The following SMARCA2 variants were observed in gnomAD, a reference collection of about 807,000 sequenced individuals.
The protein encoded by SMARCA2 is SWI/SNF-related matrix-associated actin-dependent regulator of chromatin subfamily A member 2.
Under a neutral mutation model 199.8 loss-of-function variants are expected in SMARCA2, and 61 were observed. The ratio of observed to expected loss-of-function variants is 0.31; its 90% CI spans 0.25 to 0.38. The LOEUF is 0.38. SMARCA2 is among the 10% of genes least tolerant of loss of function. The probability of loss-of-function intolerance (pLI) is 1.00; values close to 1 mark genes in which losing one functional copy is unlikely to be tolerated. For synonymous variants in SMARCA2, 935 were observed against 732.0 expected, an observed-to-expected ratio of 1.28 and a Z score of -4.48; for missense variants, 1,344 against 2,012.2, an observed-to-expected ratio of 0.67 and a Z score of 6.35.
rs1238964242 is a variant in SMARCA2, at chr9:2,086,802, A to T, written c.2527-27A>T. On this transcript the variant is annotated intron_variant, in intron 17 of 33. Coordinates refer to ENST00000349721, the MANE Select transcript of SMARCA2 (RefSeq NM_003070.5). This position sits in a 1 kb window ranked among gnomAD's most constrained non-coding sequence, Gnocchi z 4.3. Reference sequence around the variant, plus strand: ...AGTTGTATTTTCCCTTGCTTACTACACGTCCGTCCTTCCTCTTGTGTTATA... The same window carrying T: ...AGTTGTATTTTCCCTTGCTTACTACTCGTCCGTCCTTCCTCTTGTGTTATA... 41 of 1,612,990 alleles carry T rather than the reference A, an allele frequency of 2.5e-5. No homozygotes were observed. In the East Asian group the frequency reaches 9.1e-4, roughly 36 times the overall value.
At position 2,096,681 on chromosome 9, in the gene SMARCA2, A is replaced by G. The variant is rs375473288; in HGVS notation, c.2908A>G (p.Met970Val). The G allele has an allele frequency of 2.5e-6, 4 of 1,613,570 alleles. No homozygotes were observed. The South Asian group carries it at 3.3e-5, about 13-fold the overall frequency. ...GGTGGAATATGTGATCAAGTGTGAC[A>G]TGTCAGCTCTGCAGAAGATTCTGTA... ...EKVEYVIKCD[M>V]SALQKILYRH... Residue 970 changes from methionine to valine, a missense_variant, in exon 20 of 34, where the codon ATG becomes GTG. Met to Val is a conservative substitution (Grantham distance 21, BLOSUM62 1). Around this residue, in one of 18 missense-constraint regions of SMARCA2, gnomAD observed 98 missense variants for 245.6 expected, o/e 0.40. Coordinates refer to ENST00000349721, the MANE Select transcript of SMARCA2 (RefSeq NM_003070.5).
At position 2,065,138 on chromosome 9, in the gene SMARCA2, C is replaced by T. The variant is rs1176687715; in HGVS notation, c.1692+4152C>T. On this transcript the variant is annotated intron_variant, in intron 9 of 33. Transcript: ENST00000349721. ...AGGCAGAGGTTGCAGTGAGCCGAGA[C>T]GGCGCCACTGCACTCCAGCCTGGGC... Among the ~76,000 whole-genome samples the T allele has an allele frequency of 4.6e-5, 7 of 151,934 alleles. No individual in the cohort carries two copies. The East Asian group carries it at 5.8e-4, about 13-fold the overall frequency.
At position 2,161,611 on chromosome 9, in the gene SMARCA2, A is replaced by G; in HGVS notation, c.3982-75A>G. 3.1e-6 allele frequency: 3 copies of G among 973,810 alleles called. No individual in the cohort carries two copies. The highest frequency in any genetic ancestry group is 2.3e-5 in the Admixed American group (1 of 43,908). The allele number at this position is 973,810 out of a possible 1,614,324, so 60.3% of individuals were successfully genotyped here. On this transcript the variant is annotated intron_variant, in intron 27 of 33. Transcript: ENST00000349721. This position sits in a 1 kb window ranked among gnomAD's most constrained non-coding sequence, Gnocchi z 4.7. ...TTTATTCTAATTGTTGGAGCTATATATAAATATACACATACTTTTTTTGTC... is the reference window on the plus strand; with the variant it reads ...TTTATTCTAATTGTTGGAGCTATATGTAAATATACACATACTTTTTTTGTC...
At chr9:2,105,507 G>A (rs974564729) in intron 23 of SMARCA2, among the ~76,000 whole-genome samples, 5 of 151,996 alleles carry the variant, frequency 3.3e-5, no homozygotes, top group Admixed American at 1.3e-4. Context: ...ACCTGCCTCG[G>A]CCTCCCACAG....
Position 2,104,583 on chromosome 9 carries a change from A to G in SMARCA2, c.3292+414A>G, listed in dbSNP as rs1036770249. ...TGTCACTTTTCTTTGTAACAATACA[A>G]TCATTCATTTAAGATTATATTTATC... On this transcript the variant is annotated intron_variant, in intron 23 of 33. Coordinates refer to ENST00000349721, the MANE Select transcript of SMARCA2 (RefSeq NM_003070.5). This position sits in a 1 kb window ranked among gnomAD's most constrained non-coding sequence, Gnocchi z 4.0. Among the ~76,000 whole-genome samples, 6 of 152,310 alleles carry G rather than the reference A, an allele frequency of 3.9e-5. No homozygotes were observed. The highest frequency in any genetic ancestry group is 2.9e-5 in the Non-Finnish European group (2 of 68,024).
intron 29 of SMARCA2, among the ~76,000 whole-genome samples, chr9:2,173,178 G>A (rs1826349748): frequency 6.6e-6 from 1 of 152,128 alleles, no homozygotes; most frequent in Non-Finnish European, 1.5e-5. Context: ...GTGTGTGAAG[G>A]CACTTGTATG....
rs919237762 is a variant in SMARCA2, at chr9:2,191,480, G to A, written c.4737+72G>A. ...GCTTGCTGGCCTCTTGCATTTCCAT[G>A]CCCCTTCAGCCTTTTCGCTTTATTA... On this transcript the variant is annotated intron_variant, in intron 33 of 33. Coordinates refer to ENST00000349721, the MANE Select transcript of SMARCA2 (RefSeq NM_003070.5). 5 of 1,518,916 alleles carry A rather than the reference G, an allele frequency of 3.3e-6. No individual in the cohort carries two copies. In the African/African-American group the frequency reaches 4.2e-5, roughly 13 times the overall value. The allele number at this position is 1,518,916 out of a possible 1,614,324, so 94.1% of individuals were successfully genotyped here.
intron 27 of SMARCA2, among the ~76,000 whole-genome samples, chr9:2,143,917 C>T (rs578219114): frequency 1.3e-5 from 2 of 152,212 alleles, no homozygotes; most frequent in South Asian, 2.1e-4. Flanking sequence ...TCTGAAGGTT[C>T]GTTGAGAATC....
At chr9:2,065,110 A>G (rs945817981) in intron 9 of SMARCA2, among the ~76,000 whole-genome samples, 7 of 152,140 alleles carry the variant, frequency 4.6e-5, no homozygotes, top group Non-Finnish European at 1.0e-4. Context: ...GTGTGAACCC[A>G]GGAGGCAGAG....
intron 23 of SMARCA2, among the ~76,000 whole-genome samples, chr9:2,109,064 A>G (rs1393010614): frequency 6.6e-6 from 1 of 152,172 alleles, no homozygotes; most frequent in African/African-American, 2.4e-5. Context: ...AATGTGAAAA[A>G]CAGATCGTCC....
Position 2,154,661 on chromosome 9 carries a change from G to C in SMARCA2, c.3982-7025G>C, listed in dbSNP as rs568966086. Among the ~76,000 whole-genome samples the C allele has an allele frequency of 6.4e-4, 98 of 152,252 alleles. 1 individual carries two copies. In the South Asian group the frequency reaches 0.019, roughly 30 times the overall value. ...AGCCCAGGAAAGAACCATTTATTTTGCTCAGGCCTCACACATTCATGAAGG... is the reference window on the plus strand; with the variant it reads ...AGCCCAGGAAAGAACCATTTATTTTCCTCAGGCCTCACACATTCATGAAGG... On this transcript the variant is annotated intron_variant, in intron 27 of 33. Coordinates refer to ENST00000349721, the MANE Select transcript of SMARCA2 (RefSeq NM_003070.5).
At chr9:2,038,169 G>A (rs1260957300) in intron 3 of SMARCA2, among the ~76,000 whole-genome samples, 3 of 152,204 alleles carry the variant, frequency 2.0e-5, no homozygotes, top group Non-Finnish European at 4.4e-5. Flanking sequence ...AAGGGCATAT[G>A]CATTAGAATC....
chr9:2,115,797 C>T lies in SMARCA2; in HGVS notation c.3457-25C>T, dbSNP rs1392103156. The T allele has an allele frequency of 4.4e-6, 7 of 1,603,110 alleles. No individual in the cohort carries two copies. In the Middle Eastern group the frequency reaches 8.5e-4, roughly 194 times the overall value. ...TGCCTATGCCAGGCATCTCAGTCCT[C>T]ATAGCATATTGACCCCCCAAACAGG... On this transcript the variant is annotated intron_variant, in intron 24 of 33. Transcript: ENST00000349721. The surrounding 1 kb of genome is among the most constrained non-coding windows in gnomAD (Gnocchi z 6.0).
chr9:2,077,693 T>G lies in SMARCA2; in HGVS notation c.2101T>G (p.Tyr701Asp). Residue 701 changes from tyrosine to aspartate, a missense_variant, in exon 14 of 34, where the codon TAC (tyrosine) becomes GAC (aspartate). This residue lies in a region of SMARCA2 where 106 missense variants were observed against 179.7 expected (regional missense o/e 0.59). Transcript: ENST00000349721. ...GTACAGTGCCAGGGGCTCCCAGTCC[T>G]ACTACACCGTGGCTCATGCCATCTC... ...MQYSARGSQS[Y>D]YTVAHAISER... is the part of the protein sequence containing the mutation. 1 of 1,614,020 alleles carries G rather than the reference T, an allele frequency of 6.2e-7. No homozygotes were observed. Among genetic ancestry groups the G allele is most frequent in the Non-Finnish European group, 8.5e-7 (1 of 1,179,906 alleles).
intron 2 of SMARCA2, among the ~76,000 whole-genome samples, chr9:2,031,981 A>C (rs1417085196): frequency 6.6e-6 from 1 of 152,176 alleles, no homozygotes; most frequent in African/African-American, 2.4e-5. Context: ...TAACAGACTC[A>C]GTGACACTCT....
At chr9:2,061,852 T>G (rs1033876882) in intron 9 of SMARCA2, among the ~76,000 whole-genome samples, 1 of 152,250 alleles carries the variant, frequency 6.6e-6, no homozygotes, top group African/African-American at 2.4e-5. Context: ...TCCTCATACC[T>G]GTCTCATAAT....
Position 2,081,825 on chromosome 9 carries a change from A to C in SMARCA2, c.2185-7A>C. ...TGGATAATTGAAGCAATTACTCTTC[A>C]TTTCAGCTCCAGGGCCTGGAATGGA... is the stretch of plus-strand genomic sequence containing the variant. On this transcript the variant is annotated splice_polypyrimidine_tract_variant and splice_region_variant and intron_variant, in intron 14 of 33. Transcript: ENST00000349721. 6.2e-7 allele frequency: 1 copy of C among 1,613,606 alleles called. No homozygotes were observed. Among genetic ancestry groups the C allele is most frequent in the Non-Finnish European group, 8.5e-7 (1 of 1,179,760 alleles).
At chr9:2,089,874 A>G (rs1347051380) in intron 19 of SMARCA2, among the ~76,000 whole-genome samples, 1 of 152,202 alleles carries the variant, frequency 6.6e-6, no homozygotes, top group Non-Finnish European at 1.5e-5. Flanking sequence ...GGAATGTTAA[A>G]CATTTTAATT....
chr9:2,097,292 T>C, intron 20 of SMARCA2, 93 bp from the exon 21 acceptor site: 1 of 801,464 alleles, frequency 1.2e-6, no homozygotes, highest in Non-Finnish European at 2.1e-6. Flanking sequence ...CCTATGGTCC[T>C]TTGTCCTTTG....
Sources: allele counts gnomAD v4.1 joint callset (sites outside exome capture counted in the v4.1 genomes callset), GRCh38; gene constraint gnomAD v4.1.1; regional missense constraint gnomAD v4.1.1; non-coding constraint Gnocchi (gnomAD v3.1); transcripts MANE v1.5; gene names NCBI Gene and HGNC (gene_info 2026-07-23, HGNC 2026-07-21).